The following PADI2 variants were observed in gnomAD, a reference collection of about 807,000 sequenced individuals.
PADI2 encodes the protein protein-arginine deiminase type-2.
In PADI2, 70 loss-of-function variants were observed where a neutral mutation model predicts 81.1. The observed-to-expected ratio is 0.86, with a 90% CI of 0.71 to 1.05. The LOEUF is 1.05. Ranked by LOEUF, PADI2 falls within the 50% of genes least tolerant of loss-of-function variation. The probability of loss-of-function intolerance (pLI) is 0.00; values close to 1 mark genes in which losing one functional copy is unlikely to be tolerated. For synonymous variants in PADI2, 338 were observed against 358.0 expected, an observed-to-expected ratio of 0.94 and a Z score of 0.63; for missense variants, 853 against 889.9, an observed-to-expected ratio of 0.96 and a Z score of 0.53.
chr1:17,074,782 C>A (rs985372230), intron 13 of PADI2, 74 bp downstream of exon 13: 28 of 874,842 alleles, frequency 3.2e-5, no homozygotes, highest in Non-Finnish European at 4.0e-5. Flanking sequence ...AAGTGCTTAT[C>A]TGCCCCACCC....
chr1:17,111,716 C>T (rs1931586973), intron 1 of PADI2, among the ~76,000 whole-genome samples: 1 of 152,190 alleles, frequency 6.6e-6, no homozygotes, highest in Non-Finnish European at 1.5e-5. Flanking sequence ...GGGGTGGGAC[C>T]TGAGAAACTG....
At chr1:17,108,977 C>G (rs1411095875) in intron 1 of PADI2, among the ~76,000 whole-genome samples, 1 of 152,162 alleles carries the variant, frequency 6.6e-6, no homozygotes, top group African/African-American at 2.4e-5. Flanking sequence ...GGGACTTTCC[C>G]TCTCTCAGTT....
At position 17,086,645 on chromosome 1, in the gene PADI2, T is replaced by C. The variant is rs775392440; in HGVS notation, c.710A>G (p.His237Arg). The C allele has an allele frequency of 2.5e-6, 4 of 1,613,994 alleles. No homozygotes were observed. Among genetic ancestry groups the C allele is most frequent in the Admixed American group, 3.3e-5 (2 of 60,002 alleles). Residue 237 changes from histidine to arginine, a missense_variant, in exon 7 of 16, where the codon CAT (histidine) becomes CGT (arginine). Coordinates refer to ENST00000375486, the MANE Select transcript of PADI2 (RefSeq NM_007365.3). ...IHILGRRKLY[H>R]VVKYTGGSAE... is the part of the protein sequence containing the mutation. ...GGAGCCACCCGTGTACTTGACCACATGGTAGAGCTTCCGCCGGCCCAGGAT... is the reference window on the plus strand; with the variant it reads ...GGAGCCACCCGTGTACTTGACCACACGGTAGAGCTTCCGCCGGCCCAGGAT...
chr1:17,106,588 G>A (rs1403796119), intron 1 of PADI2, among the ~76,000 whole-genome samples: 3 of 151,980 alleles, frequency 2.0e-5, no homozygotes, highest in Non-Finnish European at 4.4e-5. Context: ...GATTACAGGT[G>A]CACACCACCA....
Position 17,092,504 on chromosome 1 carries a change from G to T in PADI2, c.559C>A (p.Arg187=). Residue 187 remains arginine, a synonymous_variant, in exon 6 of 16, where the codon CGG becomes AGG. Transcript: ENST00000375486. The part of the protein sequence containing the change: ...DLKDMSQMIL[R]TKGPDRLPAG... ...GGGAGGCGGTCGGGGCCTTTGGTCCGCAGGATCATCTGGGACATGTCCTTG... is the reference window on the plus strand; with the variant it reads ...GGGAGGCGGTCGGGGCCTTTGGTCCTCAGGATCATCTGGGACATGTCCTTG... 6.2e-7 allele frequency: 1 copy of T among 1,604,092 alleles called. No homozygotes were observed. Among genetic ancestry groups the T allele is most frequent in the Non-Finnish European group, 8.5e-7 (1 of 1,175,814 alleles).
At chr1:17,097,149 C>T (rs1175869224) in intron 3 of PADI2, among the ~76,000 whole-genome samples, 9 of 152,208 alleles carry the variant, frequency 5.9e-5, no homozygotes. Context: ...CGAGTGGGCT[C>T]ATCTCACGCT....
rs540357003 is a variant in PADI2 at position 17,105,165 on chromosome 1, C to T, written c.93-104G>A. ...TCCAGCACTTTGGGAGGTCAAAGCC[C>T]GAGAATCACTTGAGCCCAGGCGTTT... is the stretch of plus-strand genomic sequence containing the variant. On this transcript the variant is annotated intron_variant, in intron 1 of 15. Coordinates refer to ENST00000375486, the MANE Select transcript of PADI2 (RefSeq NM_007365.3). 23 of 754,676 alleles carry T rather than the reference C, an allele frequency of 3.0e-5. No individual in the cohort carries two copies. The South Asian group carries it at 4.7e-4, about 15-fold the overall frequency. The allele number at this position is 754,676 out of a possible 1,614,324, so 46.7% of individuals were successfully genotyped here. A position where few individuals can be genotyped will look rare whatever the true frequency, so the allele number is the denominator to read the frequency against.
intron 6 of PADI2, among the ~76,000 whole-genome samples, chr1:17,089,753 C>T (rs148093833): frequency 1.5e-3 from 228 of 152,292 alleles, no homozygotes; most frequent in African/African-American, 5.1e-3. Context: ...CCACACTGAG[C>T]GTGGCCAGCT....
chr1:17,091,559 A>T (rs576603513), intron 6 of PADI2, among the ~76,000 whole-genome samples: 1 of 151,410 alleles, frequency 6.6e-6, no homozygotes, highest in Admixed American at 6.6e-5. Flanking sequence ...CACACTCTAA[A>T]CTGGTCTCCT....
chr1:17,093,776 A>T (rs544213541), intron 4 of PADI2, 92 bp from the exon 5 acceptor site: 6 of 755,068 alleles, frequency 7.9e-6, no homozygotes, highest in Non-Finnish European at 1.3e-5. Flanking sequence ...GATGAGGGTA[A>T]AGAGTAGCCG....
At position 17,088,397 on chromosome 1, in the gene PADI2, A is replaced by G. The variant is rs145052043; in HGVS notation, c.656-1698T>C. 4.2e-4 allele frequency among the ~76,000 whole-genome samples: 64 copies of G among 152,344 alleles called. 1 individual carries two copies. Among genetic ancestry groups the G allele is most frequent in the African/African-American group, 1.3e-3 (56 of 41,580 alleles). On this transcript the variant is annotated intron_variant, in intron 6 of 15. Transcript: ENST00000375486. ...ACCAGATGCTCAAGGGTTAGAACAC[A>G]TAAGCCGAATAGCCTGGCACAAACT...
intron 3 of PADI2, 79 bp downstream of exon 3, chr1:17,102,908 G>T: frequency 1.9e-6 from 2 of 1,068,048 alleles, no homozygotes; most frequent in African/African-American, 1.6e-5. Context: ...ACTGAGAACC[G>T]CCTAAGTGCC....
At chr1:17,106,797 G>C (rs895320411) in intron 1 of PADI2, among the ~76,000 whole-genome samples, 4 of 87,124 alleles carry the variant, frequency 4.6e-5, no homozygotes, top group Non-Finnish European at 1.1e-4. Context: ...GGAGGAGGAG[G>C]AGCAGCAAGA....
At position 17,095,909 on chromosome 1, in the gene PADI2, C is replaced by T; in HGVS notation, c.411G>A (p.Lys137=). ...GGTGCCTGCCCTGAAAGCTAGGTAC[C>T]TTCTTTGGGTTGTTCTTCTCCACCA... ...DGVVEKNNPK[K]ASWTWGPEGQ... The change falls in exon 4 of 16, where the codon AAG becomes AAA. Residue 137 remains lysine, a splice_region_variant and synonymous_variant. Coordinates refer to ENST00000375486, the MANE Select transcript of PADI2 (RefSeq NM_007365.3). 1 of 1,607,074 alleles carries T rather than the reference C, an allele frequency of 6.2e-7. No homozygotes were observed. Among genetic ancestry groups the T allele is most frequent in the African/African-American group, 1.3e-5 (1 of 74,954 alleles).
In PADI2 at chr1:17,115,837, T is replaced by C. The variant is rs1931739137; in HGVS notation, c.92+3443A>G. On this transcript the variant is annotated intron_variant, in intron 1 of 15. Coordinates refer to ENST00000375486, the MANE Select transcript of PADI2 (RefSeq NM_007365.3). The surrounding 1 kb of genome is among the most constrained non-coding windows in gnomAD (Gnocchi z 4.1). ...AAACAGCGAGTATCTTTAACAACAA[T>C]CACAAAGTACAATTTCTAACAAACA... Among the ~76,000 whole-genome samples, 1 of 152,242 alleles carries C rather than the reference T, an allele frequency of 6.6e-6. No homozygotes were observed. Among genetic ancestry groups the C allele is most frequent in the Non-Finnish European group, 1.5e-5 (1 of 68,046 alleles).
In PADI2 at chr1:17,119,422, C is replaced by T; in HGVS notation, c.-51G>A. 7.2e-7 allele frequency: 1 copy of T among 1,383,936 alleles called. No homozygotes were observed. Among genetic ancestry groups the T allele is most frequent in the Non-Finnish European group, 9.8e-7 (1 of 1,020,644 alleles). 85.7% of individuals were successfully genotyped at this position (1,383,936 alleles called of 1,614,324 possible). Reference sequence around the variant, plus strand: ...GCTGGTCCGGGGCGGCCGGGAGCACCTGCAGCAGGTGCGCCTTCTCCAGCA... The same window carrying T: ...GCTGGTCCGGGGCGGCCGGGAGCACTTGCAGCAGGTGCGCCTTCTCCAGCA... On this transcript the variant is annotated 5_prime_UTR_variant, in exon 1 of 16. Coordinates refer to ENST00000375486, the MANE Select transcript of PADI2 (RefSeq NM_007365.3). The surrounding 1 kb of genome is among the most constrained non-coding windows in gnomAD (Gnocchi z 4.8).
intron 2 of PADI2, among the ~76,000 whole-genome samples, chr1:17,104,431 C>CCTTTTT (rs1931271322): frequency 1.3e-5 from 1 of 79,790 alleles, no homozygotes; most frequent in African/African-American, 4.9e-5. Flanking sequence ...TTTGCCTTTT[C>CCTTTTT]TTTTTTTTTT....
chr1:17,113,765 C>G (rs371752413), intron 1 of PADI2, among the ~76,000 whole-genome samples: 199 of 152,338 alleles, frequency 1.3e-3, no homozygotes, highest in African/African-American at 4.6e-3. Flanking sequence ...CTGGGCCCAT[C>G]AAAGCCTCTG....
intron 1 of PADI2, among the ~76,000 whole-genome samples, chr1:17,106,416 G>A (rs1254499422): frequency 2.0e-5 from 3 of 151,662 alleles, no homozygotes; most frequent in Admixed American, 1.3e-4. Flanking sequence ...AAGGTTAGGT[G>A]AGGTCATAGG....
Sources: gnomAD v4.1 joint callset for allele counts (sites outside exome capture counted in the v4.1 genomes callset) on GRCh38, gnomAD v4.1.1 for gene constraint, Gnocchi (gnomAD v3.1) non-coding constraint, MANE v1.5 for transcripts, NCBI Gene and HGNC (gene_info 2026-07-23, HGNC 2026-07-21) for gene names.